The following DGKI variants were observed in gnomAD, a reference collection of about 807,000 sequenced individuals.
DGKI encodes DAG kinase iota.
A neutral mutation model predicts 147.5 loss-of-function variants in DGKI; 55 were observed. The observed-to-expected ratio is 0.37, with a 90% confidence interval of 0.30 to 0.47. DGKI has a LOEUF of 0.47. Among genes scored for constraint, DGKI ranks in the 20% least tolerant of loss-of-function variants. The pLI is 1.00. For missense variants in DGKI, 1,007 were observed against 1,323.8 expected, an observed-to-expected ratio of 0.76 and a Z score of 3.71; for synonymous variants, 469 against 477.1, an observed-to-expected ratio of 0.98 and a Z score of 0.22.
chr7:137,476,744 C>A (rs2128931672), intron 23 of DGKI, among the ~76,000 whole-genome samples: 1 of 152,328 alleles, frequency 6.6e-6, no homozygotes, highest in Admixed American at 6.5e-5. Flanking sequence ...TGAACCTCTT[C>A]TCCTGCATGT....
chr7:137,694,097 A>G (rs1478940034), intron 1 of DGKI, among the ~76,000 whole-genome samples: 4 of 152,104 alleles, frequency 2.6e-5, no homozygotes, highest in Non-Finnish European at 4.4e-5. Flanking sequence ...CGAGGCGGGC[A>G]GATCACAAGG....
At chr7:137,585,134 C>T (rs1819340352) in intron 14 of DGKI, 75 bp downstream of exon 14, 1 of 1,556,050 alleles carries the variant, frequency 6.4e-7, no homozygotes, top group Admixed American at 1.8e-5. Flanking sequence ...CATGACTCTC[C>T]AGCCAGGATT....
At position 137,742,571 on chromosome 7, in the gene DGKI, G is replaced by A. The variant is rs545625031; in HGVS notation, c.402-52569C>T. Among the ~76,000 whole-genome samples the A allele has an allele frequency of 6.2e-4, 95 of 152,168 alleles. No homozygotes were observed. In the Middle Eastern group the frequency reaches 0.014, roughly 22 times the overall value. ...TTAATATGCAGACCCATGTGCACCC[G>A]TAAGTCATTTCCAAGTCAGAGACAG... On this transcript the variant is annotated intron_variant, in intron 1 of 32. Transcript: ENST00000614521.
intron 1 of DGKI, among the ~76,000 whole-genome samples, chr7:137,717,730 G>GA (rs1344308373): frequency 6.6e-6 from 1 of 152,112 alleles, no homozygotes; most frequent in African/African-American, 2.4e-5. Flanking sequence ...GTGAGGCATG[G>GA]AGAAGAAAAA....
rs542273671 is a variant in DGKI at position 137,426,096 on chromosome 7, G to A, written c.2762-13889C>T. The stretch of plus-strand genomic sequence containing the variant: ...AAGAGCAACTCCAAGGCACATAATT[G>A]TCAGATTCACCGAAGTTGAAATGAA... On this transcript the variant is annotated intron_variant, in intron 28 of 32. Coordinates refer to ENST00000614521, the MANE Select transcript of DGKI (RefSeq NM_001321708.2). Among the ~76,000 whole-genome samples, 12 of 152,288 alleles carry A rather than the reference G, an allele frequency of 7.9e-5. No homozygotes were observed. The South Asian group carries it at 2.5e-3, about 32-fold the overall frequency.
Position 137,846,336 on chromosome 7 carries a change from G to T in DGKI, c.401+126C>A. 3.7e-6 allele frequency: 2 copies of T among 544,224 alleles called. No individual in the cohort carries two copies. The highest frequency in any genetic ancestry group is 6.2e-6 in the Non-Finnish European group (2 of 321,166). The allele number at this position is 544,224 out of a possible 1,614,324, so 33.7% of individuals were successfully genotyped here. On this transcript the variant is annotated intron_variant, in intron 1 of 32. Coordinates refer to ENST00000614521, the MANE Select transcript of DGKI (RefSeq NM_001321708.2). This position sits in a 1 kb window ranked among gnomAD's most constrained non-coding sequence, Gnocchi z 4.0. Reference sequence around the variant, plus strand: ...ACAGACATCCCCGGGAGGAGAGGGGGAAAGGGGGAAGGAGAGGCGTGGAAA... The same window carrying T: ...ACAGACATCCCCGGGAGGAGAGGGGTAAAGGGGGAAGGAGAGGCGTGGAAA...
rs74549375 is a variant in DGKI at position 137,481,577 on chromosome 7, T to C, written c.2373+3797A>G. On this transcript the variant is annotated intron_variant, in intron 23 of 32. Transcript: ENST00000614521. ...AGGAATTTTCAACAGGCTATAAATA[T>C]CTAACACATTCTTGTATAACCCATA... Among the ~76,000 whole-genome samples, 1,081 of 152,250 alleles carry C rather than the reference T, an allele frequency of 7.1e-3. 11 individuals carry two copies. Among genetic ancestry groups the C allele is most frequent in the Non-Finnish European group, 0.012 (848 of 67,996 alleles).
chr7:137,405,046 A>G (rs1811891163), intron 30 of DGKI, among the ~76,000 whole-genome samples: 1 of 152,084 alleles, frequency 6.6e-6, no homozygotes, highest in Non-Finnish European at 1.5e-5. Flanking sequence ...AGGGGAAGAG[A>G]GGAAGTAGAG....
chr7:137,539,795 G>A (rs1251973249), intron 20 of DGKI, among the ~76,000 whole-genome samples: 1 of 151,854 alleles, frequency 6.6e-6, no homozygotes, highest in African/African-American at 2.4e-5. Context: ...AACCAAGAAA[G>A]TTAGTAAAAC....
chr7:137,645,350 A>G, intron 6 of DGKI, 122 bp downstream of exon 6: 1 of 711,914 alleles, frequency 1.4e-6, no homozygotes, highest in Non-Finnish European at 2.2e-6. Context: ...TGGACAAGTA[A>G]GGTCTTTCAG....
chr7:137,431,404 C>T (rs934228889), intron 28 of DGKI, among the ~76,000 whole-genome samples: 1 of 152,134 alleles, frequency 6.6e-6, no homozygotes, highest in Non-Finnish European at 1.5e-5. Context: ...AGGAGAAAAG[C>T]TGGAACCTGC....
intron 28 of DGKI, among the ~76,000 whole-genome samples, chr7:137,425,401 A>G (rs1160472832): frequency 1.3e-5 from 2 of 152,200 alleles, no homozygotes; most frequent in Admixed American, 1.3e-4. Context: ...CCATCTGTAC[A>G]TCACCATCAT....
At chr7:137,464,561 C>G (rs1814580447) in intron 26 of DGKI, among the ~76,000 whole-genome samples, 1 of 152,210 alleles carries the variant, frequency 6.6e-6, no homozygotes, top group Admixed American at 6.5e-5. Context: ...CGGCCTTCCC[C>G]CATGCTCTGA....
chr7:137,558,263 GT>G (rs111532113), intron 19 of DGKI, among the ~76,000 whole-genome samples: 16,575 of 151,724 alleles, frequency 0.11, 2,026 homozygotes, highest in African/African-American at 0.3. Context: ...TAGGCACTGG[GT>G]TTTTTTTATT....
chr7:137,762,540 T>C (rs913268684), intron 1 of DGKI, among the ~76,000 whole-genome samples: 14 of 152,244 alleles, frequency 9.2e-5, no homozygotes, highest in African/African-American at 3.4e-4. Context: ...GTTTTCCATG[T>C]TGTCTCACAC....
intron 21 of DGKI, chr7:137,493,985 T>A: frequency 1.8e-6 from 1 of 547,672 alleles, no homozygotes; most frequent in Non-Finnish European, 3.2e-6. Flanking sequence ...AAGAAATAAC[T>A]AAATTGAGAT....
chr7:137,448,122 C>T (rs890868999), intron 27 of DGKI, among the ~76,000 whole-genome samples: 1 of 152,004 alleles, frequency 6.6e-6, no homozygotes, highest in Non-Finnish European at 1.5e-5. Context: ...TCATACACAA[C>T]AAAATCTATG....
intron 1 of DGKI, among the ~76,000 whole-genome samples, chr7:137,821,610 C>T (rs1797900577): frequency 6.7e-6 from 1 of 150,140 alleles, no homozygotes; most frequent in South Asian, 2.1e-4. Context: ...CCAGAAACTC[C>T]CAGTAAGATG....
intron 20 of DGKI, among the ~76,000 whole-genome samples, chr7:137,526,007 G>T (rs991090663): frequency 2.0e-5 from 3 of 151,888 alleles, no homozygotes; most frequent in Non-Finnish European, 4.4e-5. Flanking sequence ...AGAACATGGG[G>T]GAGTCGGGGG....
Sources: gnomAD v4.1 joint callset for allele counts (sites outside exome capture counted in the v4.1 genomes callset) on GRCh38, gnomAD v4.1.1 for gene constraint, Gnocchi (gnomAD v3.1) non-coding constraint, MANE v1.5 for transcripts, NCBI Gene and HGNC (gene_info 2026-07-23, HGNC 2026-07-21) for gene names.